The following COL16A1 variants were observed in gnomAD, a reference collection of about 807,000 sequenced individuals.
COL16A1 encodes collagen type XVI alpha 1 chain.
Under a neutral mutation model 266.3 loss-of-function variants are expected in COL16A1, and 189 were observed. That is an observed-to-expected ratio of 0.71 (90% CI 0.63 to 0.80). The LOEUF is 0.80. Among genes scored for constraint, COL16A1 ranks in the 30% least tolerant of loss-of-function variants. COL16A1 has a pLI of 0.00. For missense variants in COL16A1, 1,928 were observed against 2,122.4 expected, an observed-to-expected ratio of 0.91 and a Z score of 1.80; for synonymous variants, 740 against 782.3, an observed-to-expected ratio of 0.95 and a Z score of 0.90.
intron 22 of COL16A1, 70 bp downstream of exon 22, chr1:31,690,297 T>A: frequency 1.2e-6 from 2 of 1,606,418 alleles, no homozygotes; most frequent in Non-Finnish European, 1.7e-6. Context: ...GGGCCCTTGA[T>A]GCTCACTGTC....
chr1:31,702,039 GGTC>G, intron 2 of COL16A1, 79 bp downstream of exon 2: 1 of 1,602,956 alleles, frequency 6.2e-7, no homozygotes, highest in Non-Finnish European at 8.5e-7. Context: ...ACACATACAT[GGTC>G]ACATATGTGC....
In COL16A1 at chr1:31,685,549, G is replaced by A. The variant is rs1337576296; in HGVS notation, c.2016+90C>T. On this transcript the variant is annotated intron_variant, in intron 29 of 70. Coordinates refer to ENST00000373672, the MANE Select transcript of COL16A1 (RefSeq NM_001856.4). This position sits in a 1 kb window ranked among gnomAD's most constrained non-coding sequence, Gnocchi z 4.0. ...CTCCCCACTACCCCCAACTGCCCAG[G>A]GAGTCAAGAGACCCAGGCAGGACCC... is the stretch of plus-strand genomic sequence containing the variant. The A allele has an allele frequency of 2.7e-6, 4 of 1,474,468 alleles. No homozygotes were observed. The Admixed American group carries it at 8.0e-5, about 29-fold the overall frequency. The allele number at this position is 1,474,468 out of a possible 1,614,324, so 91.3% of individuals were successfully genotyped here.
intron 10 of COL16A1, 26 bp from the exon 11 acceptor site, chr1:31,695,247 G>A (rs777833979): frequency 6.2e-7 from 1 of 1,613,410 alleles, no homozygotes; most frequent in Non-Finnish European, 8.5e-7. Context: ...AGGCGAAGAG[G>A]TCAATTCTGA....
chr1:31,685,897 T>A lies in COL16A1; in HGVS notation c.1885-127A>T, dbSNP rs989887595. ...CACCTCTGCTGGGTGAGGGGTTATCTTGGGAAAGATGAAGGGAGAACAGGA... is the reference window on the plus strand; with the variant it reads ...CACCTCTGCTGGGTGAGGGGTTATCATGGGAAAGATGAAGGGAGAACAGGA... On this transcript the variant is annotated intron_variant, in intron 28 of 70. Transcript: ENST00000373672. This position sits in a 1 kb window ranked among gnomAD's most constrained non-coding sequence, Gnocchi z 4.0. The A allele has an allele frequency of 4.0e-6, 6 of 1,516,938 alleles. No homozygotes were observed. The East Asian group carries it at 1.4e-4, about 34-fold the overall frequency. The allele number at this position is 1,516,938 out of a possible 1,614,324, so 94.0% of individuals were successfully genotyped here. A position where few individuals can be genotyped will look rare whatever the true frequency, so the allele number is the denominator to read the frequency against.
At chr1:31,671,886 C>T (rs1250359182) in intron 47 of COL16A1, among the ~76,000 whole-genome samples, 1 of 152,336 alleles carries the variant, frequency 6.6e-6, no homozygotes, top group Non-Finnish European at 1.5e-5. Flanking sequence ...AGTCCAGGGG[C>T]TAGGATCACA....
chr1:31,671,480 G>A, intron 48 of COL16A1, 135 bp downstream of exon 48: 1 of 1,069,126 alleles, frequency 9.4e-7, no homozygotes, highest in Non-Finnish European at 1.4e-6. Flanking sequence ...GCTCTGCGGA[G>A]GGATGGGGAG....
In COL16A1 at chr1:31,700,038, C is replaced by G. The variant is rs375734075; in HGVS notation, c.148+3G>C. The G allele has an allele frequency of 6.2e-7, 1 of 1,614,084 alleles. No individual in the cohort carries two copies. Among genetic ancestry groups the G allele is most frequent in the Non-Finnish European group, 8.5e-7 (1 of 1,179,982 alleles). On this transcript the variant is annotated splice_donor_region_variant and intron_variant, in intron 3 of 70. Coordinates refer to ENST00000373672, the MANE Select transcript of COL16A1 (RefSeq NM_001856.4). The stretch of plus-strand genomic sequence containing the variant: ...CGGCGCGATGAGATGGTTGGGTGCT[C>G]ACCAGTCACGTTGGCTGGCAGGCTA...
rs1644596643 is a variant in COL16A1, at chr1:31,698,543, T to C, written c.330A>G (p.Lys110=). Residue 110 remains lysine, a synonymous_variant, in exon 5 of 71, where the codon AAA becomes AAG. Transcript: ENST00000373672. This position sits in a 1 kb window ranked among gnomAD's most constrained non-coding sequence, Gnocchi z 4.1. ...FALVLTLLLK[K]HTHQKTWYLF... ...GATACCACGTCTTCTGGTGGGTGTG[T>C]TTCTTCAGCAGTAGTGTCAGCACCA... 5 of 1,613,956 alleles carry C rather than the reference T, an allele frequency of 3.1e-6. No homozygotes were observed. The South Asian group carries it at 5.5e-5, about 18-fold the overall frequency.
Position 31,665,907 on chromosome 1 carries a change from C to T in COL16A1, c.3431G>A (p.Gly1144Asp). ...AGPRGERGPQ[G>D]NSGEKGDQGF... ...CTGGTCGCCCTTCTCACCGGAGTTA[C>T]CTTGGGGTCCTCGCTCTCCTCTGGG... Residue 1144 changes from glycine to aspartate, a missense_variant, in exon 54 of 71, where the codon GGT (glycine) becomes GAT (aspartate). This residue lies in a region of COL16A1 where 1,552 missense variants were observed against 1,637.2 expected (regional missense o/e 0.95). Coordinates refer to ENST00000373672, the MANE Select transcript of COL16A1 (RefSeq NM_001856.4). 6.2e-7 allele frequency: 1 copy of T among 1,614,130 alleles called. No individual in the cohort carries two copies. Among genetic ancestry groups the T allele is most frequent in the Non-Finnish European group, 8.5e-7 (1 of 1,180,008 alleles).
chr1:31,661,152 G>A (rs1402873812), intron 60 of COL16A1, 33 bp from the exon 61 acceptor site: 4 of 1,554,304 alleles, frequency 2.6e-6, no homozygotes, highest in Non-Finnish European at 3.5e-6. Context: ...GAGCTTACCA[G>A]ACCTTCACTT....
chr1:31,666,043 GC>G lies in COL16A1; in HGVS notation c.3395del (p.Gly1132AlafsTer95). 1 of 1,613,424 alleles carries G rather than the reference GC, an allele frequency of 6.2e-7. No homozygotes were observed. Among genetic ancestry groups the G allele is most frequent in the Non-Finnish European group, 8.5e-7 (1 of 1,179,800 alleles). On this transcript the variant is annotated frameshift_variant, in exon 53 of 71. Transcript: ENST00000373672. LOFTEE classifies it high-confidence loss of function. ...CATGCCCTCCTTCACTCACCGCTGG[GC>G]CTGGGGGGCCTGGGAGGCCTTCAGA... ...PGSEGLPGPPGPAGPRGERGP... is the reference protein window; with the variant it reads ...PGSEGLPGPPXPAGPRGERGP...
At position 31,657,392 on chromosome 1, in the gene COL16A1, G is replaced by C. The variant is rs1161025871; in HGVS notation, c.4021-324C>G. On this transcript the variant is annotated intron_variant, in intron 64 of 70. Transcript: ENST00000373672. The surrounding 1 kb of genome is among the most constrained non-coding windows in gnomAD (Gnocchi z 6.4). Reference sequence around the variant, plus strand: ...GGCTCTGAATCTATGTTAAACGTTTGCTGAATGAACACATGAACAGCCTGA... The same window carrying C: ...GGCTCTGAATCTATGTTAAACGTTTCCTGAATGAACACATGAACAGCCTGA... 1 of 366,512 alleles carries C rather than the reference G, an allele frequency of 2.7e-6. No homozygotes were observed. The highest frequency in any genetic ancestry group is 2.0e-5 in the African/African-American group (1 of 49,060). The allele number at this position is 366,512 out of a possible 1,614,324, so 22.7% of individuals were successfully genotyped here. A position where few individuals can be genotyped will look rare whatever the true frequency, so the allele number is the denominator to read the frequency against.
At chr1:31,690,193 C>G (rs560324201) in intron 22 of COL16A1, among the ~76,000 whole-genome samples, 174 bp downstream of exon 22, 1 of 152,302 alleles carries the variant, frequency 6.6e-6, no homozygotes, top group East Asian at 1.9e-4. Context: ...CCAGCTCACC[C>G]CTAAGCCAGG....
chr1:31,689,256 C>T, intron 23 of COL16A1, 171 bp from the exon 24 acceptor site: 1 of 1,082,240 alleles, frequency 9.2e-7, no homozygotes, highest in African/African-American at 1.6e-5. Context: ...ACCCACATAA[C>T]AAGCAGGAGC....
Position 31,680,102 on chromosome 1 carries a change from C to T in COL16A1, c.2611-1G>A, listed in dbSNP as rs1335838185. On this transcript the variant is annotated splice_acceptor_variant, in intron 39 of 70. Coordinates refer to ENST00000373672, the MANE Select transcript of COL16A1 (RefSeq NM_001856.4). LOFTEE classifies it high-confidence loss of function. ...GGCAGGAGCACTCCCCTGGCTCACC[C>T]TGAAAATACAAGAGCCTTTGTGAGA... The T allele has an allele frequency of 6.2e-7, 1 of 1,612,994 alleles. No homozygotes were observed. Among genetic ancestry groups the T allele is most frequent in the Non-Finnish European group, 8.5e-7 (1 of 1,179,598 alleles).
intron 28 of COL16A1, 32 bp downstream of exon 28, chr1:31,686,059 G>C: frequency 6.2e-7 from 1 of 1,612,828 alleles, no homozygotes; most frequent in South Asian, 1.1e-5. Flanking sequence ...AGCTCACCCA[G>C]GCTGCAGCAC....
At chr1:31,669,654 G>A (rs1269952330) in intron 49 of COL16A1, among the ~76,000 whole-genome samples, 2 of 152,152 alleles carry the variant, frequency 1.3e-5, no homozygotes, top group South Asian at 2.1e-4. Flanking sequence ...GGGACAGATG[G>A]AACTGTGACG....
chr1:31,698,030 C>G lies in COL16A1; in HGVS notation c.533G>C (p.Arg178Pro). The change falls in exon 6 of 71, where the codon CGT becomes CCT. Residue 178 changes from arginine to proline, a missense_variant. Around this residue, in one of 2 missense-constraint regions of COL16A1, gnomAD observed 1,552 missense variants for 1,637.2 expected, o/e 0.95. Transcript: ENST00000373672. The surrounding 1 kb of genome is among the most constrained non-coding windows in gnomAD (Gnocchi z 4.1). ...WHKLMLSVAG[R>P]VASVHVDCSS... ...GCAGTCCACGTGCACAGAGGCCACACGTCCAGCCACACTCAGCATCAGCTT... is the reference window on the plus strand; with the variant it reads ...GCAGTCCACGTGCACAGAGGCCACAGGTCCAGCCACACTCAGCATCAGCTT... The G allele has an allele frequency of 1.2e-6, 2 of 1,613,772 alleles. No individual in the cohort carries two copies. The highest frequency in any genetic ancestry group is 1.7e-6 in the Non-Finnish European group (2 of 1,180,044).
At chr1:31,680,195 A>G (rs971793072) in intron 39 of COL16A1, 94 bp from the exon 40 acceptor site, 6 of 1,520,704 alleles carry the variant, frequency 3.9e-6, no homozygotes, top group Non-Finnish European at 4.4e-6. Context: ...AGAGATGGAG[A>G]GGCCAGGGTT....
Sources: gnomAD v4.1 joint callset for allele counts (sites outside exome capture counted in the v4.1 genomes callset) on GRCh38, gnomAD v4.1.1 for gene constraint, gnomAD v4.1.1 regional missense constraint, Gnocchi (gnomAD v3.1) non-coding constraint, MANE v1.5 for transcripts, NCBI Gene and HGNC (gene_info 2026-07-23, HGNC 2026-07-21) for gene names.